BMPR1B: variants seen among roughly 807,000 people sequenced by gnomAD.
BMPR1B encodes bone morphogenetic protein receptor type-1B.
In BMPR1B, 12 loss-of-function variants were observed where a neutral mutation model predicts 59.1. The ratio of observed to expected loss-of-function variants is 0.20; its 90% confidence interval spans 0.13 to 0.33. The LOEUF (loss-of-function observed/expected upper bound fraction) is 0.33, where lower values mean the gene tolerates loss of function less well. Ranked by LOEUF, BMPR1B falls within the 10% of genes least tolerant of loss-of-function variation. The pLI is 1.00. For missense variants in BMPR1B, 550 were observed against 610.9 expected, an observed-to-expected ratio of 0.90 and a Z score of 1.05; for synonymous variants, 237 against 207.3, an observed-to-expected ratio of 1.14 and a Z score of -1.23.
At chr4:94,770,184 T>TTTTTTTTTTTTTTTTTTTTTTTTTTTTTC (rs1722129091) in intron 1 of BMPR1B, among the ~76,000 whole-genome samples, 1 of 39,870 alleles carries the variant, frequency 2.5e-5, no homozygotes, top group African/African-American at 7.9e-5. Context: ...GTTTCTGTGT[T>TTTTTTTTTTTTTTTTTTTTTTTTTTTTTC]TGTTTTTTTT....
chr4:95,142,765 A>G (rs749879066), intron 10 of BMPR1B, among the ~76,000 whole-genome samples: 5 of 149,296 alleles, frequency 3.3e-5, no homozygotes, highest in African/African-American at 4.9e-5. Context: ...ACTTCAGTTT[A>G]TGGTACAGTG....
intron 10 of BMPR1B, among the ~76,000 whole-genome samples, chr4:95,135,242 C>G (rs1024424302): frequency 6.6e-6 from 1 of 152,074 alleles, no homozygotes; most frequent in Non-Finnish European, 1.5e-5. Flanking sequence ...GGTACCAGTA[C>G]CATGCTGTTT....
chr4:95,093,274 A>G (rs779498115), intron 3 of BMPR1B, among the ~76,000 whole-genome samples: 64 of 152,056 alleles, frequency 4.2e-4, no homozygotes, highest in Non-Finnish European at 8.1e-4. Context: ...AAAGGTTTTT[A>G]ATTTATATAA....
At position 94,945,973 on chromosome 4, in the gene BMPR1B, CTT is replaced by C. The variant is rs145596526; in HGVS notation, c.-112-50064_-112-50063del. Among the ~76,000 whole-genome samples, 1,132 of 152,122 alleles carry C rather than the reference CTT, an allele frequency of 7.4e-3. 15 individuals are homozygous for C. Among genetic ancestry groups the C allele is most frequent in the African/African-American group, 0.023 (968 of 41,492 alleles). ...CTAAGTGATAACTTTGAAATAATGT[CTT>C]TTCAGGGATATTTAAAATTTTGCAG... On this transcript the variant is annotated intron_variant, in intron 2 of 12. Coordinates refer to ENST00000515059, the MANE Select transcript of BMPR1B (RefSeq NM_001203.3).
chr4:95,130,675 C>G (rs1465063824), intron 9 of BMPR1B, among the ~76,000 whole-genome samples: 1 of 145,902 alleles, frequency 6.9e-6, no homozygotes, highest in East Asian at 2.0e-4. Context: ...GATGTAAACT[C>G]TTAATCTTTC....
At chr4:95,005,353 C>T (rs989494084) in intron 3 of BMPR1B, among the ~76,000 whole-genome samples, 1 of 151,952 alleles carries the variant, frequency 6.6e-6, no homozygotes, top group African/African-American at 2.4e-5. Flanking sequence ...TTAGAGCATA[C>T]CTGAGATCAA....
chr4:94,789,110 G>A (rs545663730), intron 1 of BMPR1B, among the ~76,000 whole-genome samples: 2 of 152,204 alleles, frequency 1.3e-5, no homozygotes, highest in Non-Finnish European at 2.9e-5. Flanking sequence ...CAACCTGGAA[G>A]TAAGAGGAGG....
At chr4:95,007,573 T>TGGGGC (rs1722933637) in intron 3 of BMPR1B, among the ~76,000 whole-genome samples, 1 of 152,222 alleles carries the variant, frequency 6.6e-6, no homozygotes. Flanking sequence ...TAAGATATAA[T>TGGGGC]TTAAGGTTCT....
At chr4:94,912,168 C>T (rs1469539146) in intron 2 of BMPR1B, among the ~76,000 whole-genome samples, 1 of 151,886 alleles carries the variant, frequency 6.6e-6, no homozygotes. Flanking sequence ...GAAAGCACCC[C>T]CATGATTGAA....
chr4:94,873,004 C>T (rs1726562908), intron 1 of BMPR1B, among the ~76,000 whole-genome samples: 1 of 152,126 alleles, frequency 6.6e-6, no homozygotes, highest in African/African-American at 2.4e-5. Flanking sequence ...TGTAGGGCCC[C>T]CAAGTACAAC....
intron 4 of BMPR1B, among the ~76,000 whole-genome samples, chr4:95,112,300 G>C (rs1731686016): frequency 6.6e-6 from 1 of 151,890 alleles, no homozygotes; most frequent in South Asian, 2.1e-4. Context: ...ACAAAACTAA[G>C]CTTAAACATG....
In BMPR1B at chr4:95,126,243, T is replaced by C. The variant is rs141335179; in HGVS notation, c.585+1122T>C. Among the ~76,000 whole-genome samples the C allele has an allele frequency of 2.7e-3, 415 of 152,320 alleles. 2 individuals are homozygous for C. Among genetic ancestry groups the C allele is most frequent in the African/African-American group, 9.5e-3 (393 of 41,574 alleles). On this transcript the variant is annotated intron_variant, in intron 8 of 12. Transcript: ENST00000515059. The stretch of plus-strand genomic sequence containing the variant: ...GGTAGAGGTTACATTTTGCTCACTT[T>C]CTATCCCCAGTAGAGTGGCTGATTT...
chr4:94,846,252 A>G (rs576795760), intron 1 of BMPR1B, among the ~76,000 whole-genome samples: 1 of 152,208 alleles, frequency 6.6e-6, no homozygotes, highest in Non-Finnish European at 1.5e-5. Context: ...GGAAAACTGG[A>G]TATCTCTATG....
chr4:95,057,069 A>G (rs1026213410), intron 3 of BMPR1B, among the ~76,000 whole-genome samples: 1 of 152,178 alleles, frequency 6.6e-6, no homozygotes, highest in African/African-American at 2.4e-5. Flanking sequence ...TCTCAGAAGA[A>G]CAAACTCTGT....
chr4:95,042,334 A>G (rs1257035464), intron 3 of BMPR1B, among the ~76,000 whole-genome samples: 1 of 152,232 alleles, frequency 6.6e-6, no homozygotes, highest in Non-Finnish European at 1.5e-5. Context: ...GATAATGGTG[A>G]TGCCAAACAA....
intron 1 of BMPR1B, among the ~76,000 whole-genome samples, chr4:94,839,329 C>G (rs1724950323): frequency 7.0e-6 from 1 of 142,458 alleles, no homozygotes; most frequent in African/African-American, 2.6e-5. Flanking sequence ...GACTTTCTGT[C>G]TCGTTGATCT....
chr4:95,148,678 C>G, intron 10 of BMPR1B, 70 bp from the exon 11 acceptor site: 1 of 1,498,228 alleles, frequency 6.7e-7, no homozygotes, highest in Non-Finnish European at 9.3e-7. Context: ...GCCATTGTTT[C>G]AGAATCACCT....
chr4:95,028,442 G>A (rs994931939), intron 3 of BMPR1B, among the ~76,000 whole-genome samples: 3 of 152,180 alleles, frequency 2.0e-5, no homozygotes, highest in Non-Finnish European at 2.9e-5. Context: ...CTGTCAAGGG[G>A]TATTTATGGA....
At chr4:94,980,027 A>G (rs1046193328) in intron 2 of BMPR1B, among the ~76,000 whole-genome samples, 6 of 152,202 alleles carry the variant, frequency 3.9e-5, no homozygotes, top group African/African-American at 1.4e-4. Flanking sequence ...TGAAACACAA[A>G]TATATCTTCA....
Sources: allele counts gnomAD v4.1 joint callset (sites outside exome capture counted in the v4.1 genomes callset), GRCh38; gene constraint gnomAD v4.1.1; transcripts MANE v1.5; gene names NCBI Gene and HGNC (gene_info 2026-07-23, HGNC 2026-07-21).